The following NINL variants were observed in gnomAD, a reference collection of about 807,000 sequenced individuals.
NINL encodes the protein ninein-like protein.
Under a neutral mutation model 160.3 loss-of-function variants are expected in NINL, and 153 were observed. That is an observed-to-expected ratio of 0.95 (90% CI 0.84 to 1.09). The LOEUF (loss-of-function observed/expected upper bound fraction) is 1.09. NINL is among the 50% of genes least tolerant of loss of function. NINL has a pLI of 0.00. For missense variants in NINL, 1,829 were observed against 1,764.0 expected (o/e 1.04, Z -0.66); for synonymous variants, 800 against 734.8 (o/e 1.09, Z -1.43).
chr20:25,472,473 G>A (rs1047641067), intron 17 of NINL, among the ~76,000 whole-genome samples: 3 of 149,062 alleles, frequency 2.0e-5, no homozygotes, highest in African/African-American at 4.9e-5. Context: ...TATTTTAATA[G>A]TAATGGCTGA....
chr20:25,542,552 C>T (rs1318883485), intron 1 of NINL, among the ~76,000 whole-genome samples: 3 of 151,572 alleles, frequency 2.0e-5, no homozygotes, highest in African/African-American at 7.3e-5. Context: ...TTAAAGAGAT[C>T]CACACTGAGA....
At chr20:25,483,724 T>C (rs1314903025) in intron 13 of NINL, among the ~76,000 whole-genome samples, 1 of 152,268 alleles carries the variant, frequency 6.6e-6, no homozygotes, top group East Asian at 1.9e-4. Context: ...TTTAATGAAC[T>C]ACGTCCTAAC....
intron 14 of NINL, 30 bp from the exon 15 acceptor site, chr20:25,480,297 A>G: frequency 6.3e-7 from 1 of 1,589,574 alleles, no homozygotes; most frequent in East Asian, 2.2e-5. Flanking sequence ...TCCGTTTGTC[A>G]CACTGAGGAT....
chr20:25,501,705 C>T (rs1237261355), intron 7 of NINL, among the ~76,000 whole-genome samples: 2 of 152,224 alleles, frequency 1.3e-5, no homozygotes, highest in African/African-American at 4.8e-5. Context: ...TGATGTTAGC[C>T]TCACTGCAGC....
Position 25,510,708 on chromosome 20 carries a change from A to G in NINL, c.483T>C (p.Thr161=). ...SPKSDEEAES[T]KEAQNELFEA... is the part of the protein sequence containing the mutation. ...CAAATAATTCATTCTGAGCTTCTTT[A>G]GTGCTCTCGGCCTCTTCATCTGACT... The change falls in exon 5 of 24, where the codon ACT becomes ACC. Residue 161 remains threonine, a synonymous_variant. Transcript: ENST00000278886. The G allele has an allele frequency of 1.2e-6, 2 of 1,614,006 alleles. No homozygotes were observed. The highest frequency in any genetic ancestry group is 1.7e-6 in the Non-Finnish European group (2 of 1,180,000).
At chr20:25,461,952 C>T (rs182526910) in intron 20 of NINL, among the ~76,000 whole-genome samples, 1 of 152,258 alleles carries the variant, frequency 6.6e-6, no homozygotes, top group Non-Finnish European at 1.5e-5. Context: ...GTGCTGTGAT[C>T]CAGTGACTCC....
At chr20:25,469,733 C>T (rs2063045935) in intron 18 of NINL, among the ~76,000 whole-genome samples, 2 of 152,318 alleles carry the variant, frequency 1.3e-5, no homozygotes, top group South Asian at 2.1e-4. Flanking sequence ...GCAGTCCCGA[C>T]CATGCTGTGG....
intron 10 of NINL, 94 bp from the exon 11 acceptor site, chr20:25,491,619 G>T: frequency 6.9e-7 from 1 of 1,453,612 alleles, no homozygotes; most frequent in Non-Finnish European, 9.4e-7. Context: ...TCTTAGAAAC[G>T]CCCCTGTCCT....
chr20:25,455,512 A>T (rs2090646685), intron 23 of NINL, among the ~76,000 whole-genome samples, 161 bp downstream of exon 23: 1 of 152,218 alleles, frequency 6.6e-6, no homozygotes, highest in South Asian at 2.1e-4. Flanking sequence ...TTCCCGGAGG[A>T]AAATAAATGA....
At chr20:25,533,269 T>C (rs1401595033) in intron 1 of NINL, among the ~76,000 whole-genome samples, 1 of 151,876 alleles carries the variant, frequency 6.6e-6, no homozygotes, top group African/African-American at 2.4e-5. Flanking sequence ...AGGAGAATAA[T>C]GAAGGGGCTG....
chr20:25,460,769 C>A (rs976097754), intron 21 of NINL, among the ~76,000 whole-genome samples: 1 of 152,086 alleles, frequency 6.6e-6, no homozygotes, highest in Non-Finnish European at 1.5e-5. Context: ...GGGCCAGCGC[C>A]GGGGGGGACC....
In NINL at chr20:25,467,378, C is replaced by T. The variant is rs770546403; in HGVS notation, c.3423+11G>A. 1.9e-6 allele frequency: 3 copies of T among 1,607,212 alleles called. No homozygotes were observed. The highest frequency in any genetic ancestry group is 2.6e-6 in the Non-Finnish European group (3 of 1,173,552). ...GTGGCATGAGCTCCATGCCAGGCGT[C>T]GATACGTCACCTGTCTGTTGAGCAC... On this transcript the variant is annotated intron_variant, in intron 19 of 23. Transcript: ENST00000278886.
At chr20:25,456,738 CTGGCCAGCA>C (rs1195740679) in intron 22 of NINL, among the ~76,000 whole-genome samples, 8 of 151,864 alleles carry the variant, frequency 5.3e-5, no homozygotes, top group African/African-American at 1.9e-4. Flanking sequence ...CAGGACCAGC[CTGGCCAGCA>C]TGGTGAAATC....
At position 25,467,400 on chromosome 20, in the gene NINL, G is replaced by A. The variant is rs1322287283; in HGVS notation, c.3412C>T (p.Leu1138Phe). The change falls in exon 19 of 24, where the codon CTC becomes TTC. Residue 1138 changes from leucine (L) to phenylalanine (F), a missense_variant. Coordinates refer to ENST00000278886, the MANE Select transcript of NINL (RefSeq NM_025176.6). ...KEKACSEMEVLNRQNQNYKDQ... is the reference protein window; with the variant it reads ...KEKACSEMEVFNRQNQNYKDQ... Reference sequence around the variant, plus strand: ...CGTCGATACGTCACCTGTCTGTTGAGCACCTCCATCTCAGAGCAGGCCTTT... The same window carrying A: ...CGTCGATACGTCACCTGTCTGTTGAACACCTCCATCTCAGAGCAGGCCTTT... 6.2e-7 allele frequency: 1 copy of A among 1,613,580 alleles called. No homozygotes were observed. The highest frequency in any genetic ancestry group is 8.5e-7 in the Non-Finnish European group (1 of 1,179,434).
chr20:25,571,867 GAAAAAAAAAAAAA>G (rs10536325), intron 1 of NINL, among the ~76,000 whole-genome samples: 1 of 41,550 alleles, frequency 2.4e-5, no homozygotes, highest in African/African-American at 7.9e-5. Context: ...GACTCTGTCT[GAAAAAAAAAAAAA>G]AAAAAAAAAA....
chr20:25,583,084 T>C (rs1600382384), intron 1 of NINL, among the ~76,000 whole-genome samples: 1 of 152,178 alleles, frequency 6.6e-6, no homozygotes, highest in Non-Finnish European at 1.5e-5. Context: ...AAAGTCTTCA[T>C]GACTAAACAC....
intron 17 of NINL, 117 bp from the exon 18 acceptor site, chr20:25,470,212 A>C: frequency 1.3e-6 from 1 of 748,796 alleles, no homozygotes; most frequent in Non-Finnish European, 2.3e-6. Flanking sequence ...CCGTCCCTGG[A>C]GGTGGCGCCA....
rs1341384295 is a variant in NINL at position 25,517,850 on chromosome 20, C to G, written c.181-1G>C. 6.3e-7 allele frequency: 1 copy of G among 1,595,288 alleles called. No individual in the cohort carries two copies. The highest frequency in any genetic ancestry group is 8.5e-7 in the Non-Finnish European group (1 of 1,173,122). On this transcript the variant is annotated splice_acceptor_variant, in intron 2 of 23. Coordinates refer to ENST00000278886, the MANE Select transcript of NINL (RefSeq NM_025176.6). LOFTEE classifies it high-confidence loss of function. The stretch of plus-strand genomic sequence containing the variant: ...CTTCCTTAAATTCCTCAAAGTTAAC[C>G]TGGGTGAATTGAAGGTGAGAGAGGA...
intron 1 of NINL, among the ~76,000 whole-genome samples, chr20:25,577,287 C>A (rs777622652): frequency 1.3e-5 from 2 of 152,196 alleles, no homozygotes; most frequent in Non-Finnish European, 2.9e-5. Context: ...AGACACGCGT[C>A]CCCAAGTCTG....
Sources: gnomAD v4.1 joint callset for allele counts (sites outside exome capture counted in the v4.1 genomes callset) on GRCh38, gnomAD v4.1.1 for gene constraint, MANE v1.5 for transcripts, NCBI Gene and HGNC (gene_info 2026-07-23, HGNC 2026-07-21) for gene names.